FAAP20: variants seen among roughly 807,000 people sequenced by gnomAD.
FAAP20 encodes the protein FA core complex associated protein 20.
Under a neutral mutation model 16.2 loss-of-function variants are expected in FAAP20, and 12 were observed. The ratio of observed to expected loss-of-function variants is 0.74; its 90% CI spans 0.48 to 1.20. The LOEUF (loss-of-function observed/expected upper bound fraction) is 1.20, where lower values mean the gene tolerates loss of function less well. Among genes scored for constraint, FAAP20 ranks in the 50% most tolerant of loss-of-function variants. The pLI is 0.00. For missense variants in FAAP20, 288 were observed against 245.8 expected (o/e 1.17, Z -1.15); for synonymous variants, 141 against 110.7 (o/e 1.27, Z -1.72).
At chr1:2,186,991 T>G (rs1687672603), downstream of FAAP20, 2 of 302,914 alleles carry the variant, frequency 6.6e-6, no homozygotes, top group Non-Finnish European at 1.4e-5. Flanking sequence ...GAAGTGTGGT[T>G]TGAAAAATCC....
chr1:2,189,021 A>C (rs548168273), downstream of FAAP20, among the ~76,000 whole-genome samples: 48 of 146,612 alleles, frequency 3.3e-4, no homozygotes, highest in Admixed American at 2.2e-3. Context: ...GAAAAAAAAA[A>C]AAAAAAACAA....
intron 3 of FAAP20, chr1:2,192,229 C>T: frequency 1.0e-6 from 1 of 986,186 alleles, no homozygotes; most frequent in South Asian, 4.7e-5. Flanking sequence ...AGATATGGGG[C>T]TTGTCCCCCA....
At chr1:2,199,195 C>T, upstream of FAAP20, 6 of 1,170,376 alleles carry the variant, frequency 5.1e-6, no homozygotes, top group South Asian at 9.6e-5. The surrounding 1 kb of genome is among the most constrained non-coding windows in gnomAD (Gnocchi z 4.5). Context: ...GCCAGCATCC[C>T]CGACCAGACA....
downstream of FAAP20, among the ~76,000 whole-genome samples, chr1:2,188,792 T>C (rs1346227508): frequency 4.1e-5 from 6 of 146,244 alleles, no homozygotes; most frequent in Non-Finnish European, 9.0e-5. Context: ...GATCACGAGG[T>C]CAGGAGATCA....
Position 2,194,082 on chromosome 1 carries a change from C to T in FAAP20, c.114G>A (p.Arg38=). The T allele has an allele frequency of 6.2e-7, 1 of 1,612,538 alleles. No homozygotes were observed. The highest frequency in any genetic ancestry group is 8.5e-7 in the Non-Finnish European group (1 of 1,179,928). ...CCGTGCGCAGTAGCTCGGCCCAGAG[C>T]CGCTCCCGCTCATCACCCCCCAGGA... is the stretch of plus-strand genomic sequence containing the variant. ...WFLLGGDERE[R]LWAELLRTVS... The change falls in exon 2 of 4, where the codon CGG becomes CGA. Residue 38 remains arginine, a synonymous_variant. Coordinates refer to ENST00000378546, the MANE Select transcript of FAAP20 (RefSeq NM_182533.4).
chr1:2,188,141 C>A (rs1687780456), downstream of FAAP20, among the ~76,000 whole-genome samples: 1 of 152,336 alleles, frequency 6.6e-6, no homozygotes. Flanking sequence ...CCCTCAGCCA[C>A]CACAAACGGG....
chr1:2,190,643 A>T (rs1365550074), intron 3 of FAAP20: 1 of 346,352 alleles, frequency 2.9e-6, no homozygotes, highest in Non-Finnish European at 5.8e-6. Context: ...GCCGGGGACG[A>T]TGTCCCGGGG....
At chr1:2,192,880 G>C (rs747057779) in intron 3 of FAAP20, 1 of 1,298,730 alleles carries the variant, frequency 7.7e-7, no homozygotes, top group South Asian at 1.2e-5. Context: ...GATTACAGGC[G>C]TGAGCCACCG....
At chr1:2,198,549 C>G, upstream of FAAP20, 5 of 694,550 alleles carry the variant, frequency 7.2e-6, no homozygotes, top group Non-Finnish European at 1.0e-5. Flanking sequence ...CGCTGACACC[C>G]TGCAAATCAG....
At chr1:2,195,896 C>T (rs973712544), upstream of FAAP20, among the ~76,000 whole-genome samples, 9 of 152,236 alleles carry the variant, frequency 5.9e-5, no homozygotes, top group Non-Finnish European at 5.9e-5. Flanking sequence ...AAGATGGAGG[C>T]ACCAACCCCC....
downstream of FAAP20, chr1:2,184,499 T>C (rs1687245748): frequency 2.0e-5 from 19 of 951,330 alleles, no homozygotes; most frequent in Non-Finnish European, 3.0e-5. Flanking sequence ...TGTTTCATTT[T>C]GTGATTGAAG....
downstream of FAAP20, among the ~76,000 whole-genome samples, chr1:2,209,834 C>T (rs181112074): frequency 4.6e-5 from 7 of 152,376 alleles, no homozygotes; most frequent in Non-Finnish European, 1.0e-4. Context: ...AGCCTTCCAG[C>T]CTCCCTCCTG....
chr1:2,192,127 AC>A (rs1284049590), intron 3 of FAAP20: 14 of 985,310 alleles, frequency 1.4e-5, no homozygotes, highest in Non-Finnish European at 1.7e-5. Context: ...GTTAGACCAG[AC>A]CCTCCAATCC....
At chr1:2,196,971 A>G (rs1327734907), upstream of FAAP20, among the ~76,000 whole-genome samples, 1 of 152,104 alleles carries the variant, frequency 6.6e-6, no homozygotes, top group African/African-American at 2.4e-5. The surrounding 1 kb of genome is among the most constrained non-coding windows in gnomAD (Gnocchi z 4.5). Context: ...TCCCAACCCC[A>G]GGGTTCTGCT....
chr1:2,211,020 C>T (rs1689420022), downstream of FAAP20, among the ~76,000 whole-genome samples: 2 of 152,142 alleles, frequency 1.3e-5, no homozygotes, highest in Non-Finnish European at 2.9e-5. Context: ...CGGGCTGGAG[C>T]CCTAGAGCTG....
At chr1:2,199,235 G>A, upstream of FAAP20, 1 of 1,161,824 alleles carries the variant, frequency 8.6e-7, no homozygotes, top group Non-Finnish European at 1.1e-6. The surrounding 1 kb of genome is among the most constrained non-coding windows in gnomAD (Gnocchi z 4.5). Flanking sequence ...AAAGTCCCCA[G>A]CACCCCTTCA....
At chr1:2,200,901 C>A, upstream of FAAP20, 2 of 1,119,184 alleles carry the variant, frequency 1.8e-6, no homozygotes, top group Non-Finnish European at 2.2e-6. Context: ...TCGGGAGTCC[C>A]CAGGGAAGGT....
At chr1:2,187,340 T>A (rs1247204194), downstream of FAAP20, 1 of 344,196 alleles carries the variant, frequency 2.9e-6, no homozygotes, top group African/African-American at 2.2e-5. Flanking sequence ...AGTATTACTC[T>A]GTAGCCCAGG....
In FAAP20 at chr1:2,194,746, C is replaced by G. The variant is rs1359069338; in HGVS notation, c.4G>C (p.Glu2Gln). The change falls in exon 1 of 4, where the codon GAG becomes CAG. Residue 2 changes from glutamate to glutamine, a missense_variant. Physicochemically the swap from Glu to Gln is conservative, Grantham distance 29. Coordinates refer to ENST00000378546, the MANE Select transcript of FAAP20 (RefSeq NM_182533.4). ...CCCAGCCGCGGCCTCCGCGCCGCCT[C>G]CATCCAAGCCCGCGCCGGGCGGAAG... MEAARRPRLGLS... is the reference protein window; with the variant it reads MQAARRPRLGLS... 1.3e-5 allele frequency: 16 copies of G among 1,185,358 alleles called. No homozygotes were observed. The highest frequency in any genetic ancestry group is 1.7e-5 in the Non-Finnish European group (16 of 959,478). 73.4% of individuals were successfully genotyped at this position (1,185,358 alleles called of 1,614,324 possible). A position where few individuals can be genotyped will look rare whatever the true frequency, so the allele number is the denominator to read the frequency against.
Sources: allele counts gnomAD v4.1 joint callset (sites outside exome capture counted in the v4.1 genomes callset), GRCh38; gene constraint gnomAD v4.1.1; non-coding constraint Gnocchi (gnomAD v3.1); transcripts MANE v1.5; gene names NCBI Gene and HGNC (gene_info 2026-07-23, HGNC 2026-07-21).